The following NEXMIF variants were observed in gnomAD, a reference collection of about 807,000 sequenced individuals.
The protein encoded by NEXMIF is neurite extension and migration factor, also known as XLMR protein related to neurite extension.
NEXMIF carries 8 observed loss-of-function variants against 62.1 expected under a neutral mutation model. The ratio of observed to expected loss-of-function variants is 0.13; its 90% CI spans 0.08 to 0.23. The LOEUF (loss-of-function observed/expected upper bound fraction) is 0.23. Ranked by LOEUF, NEXMIF falls within the 10% of genes least tolerant of loss-of-function variation. NEXMIF has a pLI of 1.00. For synonymous variants in NEXMIF, 404 were observed against 416.6 expected, an observed-to-expected ratio of 0.97 and a Z score of 0.37; for missense variants, 976 against 1,113.3, an observed-to-expected ratio of 0.88 and a Z score of 1.75.
chrX:74,823,765 A>G lies in NEXMIF; in HGVS notation c.-47-78068T>C, dbSNP rs1020849363. On this transcript the variant is annotated intron_variant, in intron 1 of 3. Coordinates refer to ENST00000055682, the MANE Select transcript of NEXMIF (RefSeq NM_001008537.3). ...GGCAAAATGAACACTGTGTAAGACT[A>G]TGAATGAGAAAATAGATGGGGGAGA... 3.6e-5 allele frequency among the ~76,000 whole-genome samples: 4 copies of G among 111,110 alleles called. No individual in the cohort carries two copies. The Admixed American group carries it at 3.9e-4, about 11-fold the overall frequency.
At chrX:74,824,355 G>A (rs1448088783) in intron 1 of NEXMIF, among the ~76,000 whole-genome samples, 1 of 111,662 alleles carries the variant, frequency 9.0e-6, no homozygotes, top group Non-Finnish European at 1.9e-5. Context: ...TTCCACAAGT[G>A]AAAACATGCG....
chrX:74,852,947 T>A (rs1356492797), intron 1 of NEXMIF, among the ~76,000 whole-genome samples: 1 of 110,652 alleles, frequency 9.0e-6, no homozygotes, highest in African/African-American at 3.3e-5. Context: ...ATAATAAAGA[T>A]CAGAGCAGAA....
chrX:74,883,533 A>G (rs1602264963), intron 1 of NEXMIF, among the ~76,000 whole-genome samples: 1 of 112,264 alleles, frequency 8.9e-6, no homozygotes, highest in Non-Finnish European at 1.9e-5. Context: ...ATCAACTGAA[A>G]GAAAGGGTAT....
intron 1 of NEXMIF, among the ~76,000 whole-genome samples, chrX:74,900,140 T>C (rs1449619435): frequency 9.0e-6 from 1 of 111,104 alleles, no homozygotes. Flanking sequence ...CACAATAAGA[T>C]ATCACCTTAC....
chrX:74,908,187 C>T (rs184488861), intron 1 of NEXMIF, among the ~76,000 whole-genome samples: 1 of 111,914 alleles, frequency 8.9e-6, no homozygotes, highest in East Asian at 2.8e-4. Flanking sequence ...AAAGAGCATA[C>T]CTAGGAGCAC....
At chrX:74,755,510 A>G (rs2080156751) in intron 1 of NEXMIF, among the ~76,000 whole-genome samples, 1 of 111,326 alleles carries the variant, frequency 9.0e-6, no homozygotes, top group Non-Finnish European at 1.9e-5. Flanking sequence ...TTCAACGTGA[A>G]TTTCTTTCAC....
At chrX:74,765,925 C>T (rs1156980591) in intron 1 of NEXMIF, among the ~76,000 whole-genome samples, 1 of 106,059 alleles carries the variant, frequency 9.4e-6, no homozygotes, top group Non-Finnish European at 1.9e-5. Context: ...CCTGTAGTCC[C>T]AGCTACTCAG....
intron 1 of NEXMIF, among the ~76,000 whole-genome samples, chrX:74,832,099 T>C (rs939367667): frequency 8.9e-6 from 1 of 112,300 alleles, no homozygotes; most frequent in Middle Eastern, 4.6e-3. Flanking sequence ...TTGTTTGTTT[T>C]GGTTATTAGA....
At chrX:74,750,499 G>A (rs1440145680) in intron 1 of NEXMIF, among the ~76,000 whole-genome samples, 1 of 111,922 alleles carries the variant, frequency 8.9e-6, no homozygotes, top group African/African-American at 3.2e-5. Context: ...TTACAGATGG[G>A]GAATCTTCAG....
intron 1 of NEXMIF, among the ~76,000 whole-genome samples, chrX:74,790,955 G>A (rs2080280002): frequency 9.0e-6 from 1 of 110,605 alleles, no homozygotes. Context: ...TTTCCTAATT[G>A]AATACCCTTT....
chrX:74,910,672 G>A (rs1174415692), intron 1 of NEXMIF, among the ~76,000 whole-genome samples: 3 of 111,759 alleles, frequency 2.7e-5, no homozygotes, highest in Non-Finnish European at 5.6e-5. Flanking sequence ...TTGGCTCTGT[G>A]TGCCCACCCA....
At chrX:74,892,146 CCTAA>C (rs760293436) in intron 1 of NEXMIF, among the ~76,000 whole-genome samples, 8 of 112,347 alleles carry the variant, frequency 7.1e-5, no homozygotes, top group African/African-American at 2.3e-4. Context: ...AATGTTTAAG[CCTAA>C]CTATCATTGG....
intron 1 of NEXMIF, among the ~76,000 whole-genome samples, chrX:74,832,466 TTTTA>T (rs762167807): frequency 8.9e-5 from 10 of 111,747 alleles, no homozygotes; most frequent in Non-Finnish European, 1.1e-4. Context: ...TCATCTCTGA[TTTTA>T]TTTATTTGGA....
chrX:74,864,760 G>A (rs1402757780), intron 1 of NEXMIF, among the ~76,000 whole-genome samples: 6 of 110,226 alleles, frequency 5.4e-5, no homozygotes, highest in Non-Finnish European at 1.1e-4. Flanking sequence ...CCAGGCTGGA[G>A]TGCAGTGGTA....
chrX:74,923,729 G>A (rs1489593074), intron 1 of NEXMIF, among the ~76,000 whole-genome samples: 1 of 111,913 alleles, frequency 8.9e-6, no homozygotes, highest in Non-Finnish European at 1.9e-5. Context: ...TTCAAATCCC[G>A]GGATTAAAGT....
chrX:74,798,606 CT>C (rs1262086983), intron 1 of NEXMIF, among the ~76,000 whole-genome samples: 2 of 112,313 alleles, frequency 1.8e-5, no homozygotes, highest in Non-Finnish European at 3.8e-5. Flanking sequence ...TTTTGGTTTA[CT>C]TTTTTTCCAG....
chrX:74,777,841 C>T (rs373784462), intron 1 of NEXMIF, among the ~76,000 whole-genome samples: 5 of 111,210 alleles, frequency 4.5e-5, no homozygotes, highest in African/African-American at 1.3e-4. Flanking sequence ...TAAGCTTTTT[C>T]CCCTGTAATT....
chrX:74,875,254 T>A (rs1328977187), intron 1 of NEXMIF, among the ~76,000 whole-genome samples: 4 of 109,779 alleles, frequency 3.6e-5, no homozygotes, highest in African/African-American at 1.0e-4. Flanking sequence ...GAGATAATCA[T>A]GTGGTTTTTG....
intron 1 of NEXMIF, among the ~76,000 whole-genome samples, chrX:74,788,952 T>TTTTA (rs770694672): frequency 2.1e-3 from 229 of 110,802 alleles, no homozygotes; most frequent in South Asian, 0.011. Flanking sequence ...ATTGATATTC[T>TTTTA]TTTATTTATT....
Sources: gnomAD v4.1 joint callset for allele counts (sites outside exome capture counted in the v4.1 genomes callset) on GRCh38, gnomAD v4.1.1 for gene constraint, MANE v1.5 for transcripts, NCBI Gene and HGNC (gene_info 2026-07-23, HGNC 2026-07-21) for gene names.